Variants in TMEM272 observed in about 807,000 individuals in gnomAD.
The protein encoded by TMEM272 is long intergenic non-protein coding RNA 282.
TMEM272 carries 8 observed loss-of-function variants against 3.7 expected under a neutral mutation model. The observed-to-expected ratio is 2.17, with a 90% CI of 1.27 to 3.91. The LOEUF is 3.91. Ranked by LOEUF, TMEM272 falls within the 30% of genes most tolerant of loss-of-function variation. The pLI, the probability that TMEM272 is intolerant of heterozygous loss-of-function variation, is 0.00. For synonymous variants in TMEM272, 63 were observed against 39.8 expected (o/e 1.58, Z -2.20); for missense variants, 166 against 91.5 (o/e 1.81, Z -3.32).
At chr13:51,832,268 T>C (rs4354822) in intron 2 of TMEM272, among the ~76,000 whole-genome samples, 25,724 of 152,182 alleles carry the variant, frequency 0.17, 2,573 homozygotes, top group East Asian at 0.46. Flanking sequence ...TCAGTCAAAA[T>C]AGGTAGCTGG....
the TMEM272 span, among the ~76,000 whole-genome samples, chr13:51,898,182 C>T: frequency 6.6e-6 from 1 of 151,618 alleles, no homozygotes; most frequent in Non-Finnish European, 1.5e-5. Flanking sequence ...TGTGGCACTA[C>T]ACTCCAGTCT....
At chr13:51,900,225 G>C in the TMEM272 span, among the ~76,000 whole-genome samples, 6 of 152,166 alleles carry the variant, frequency 3.9e-5, no homozygotes, top group East Asian at 1.9e-4. Context: ...AATGGGAGAA[G>C]ATACTTGCAA....
the TMEM272 span, among the ~76,000 whole-genome samples, chr13:51,882,726 T>TA: frequency 1.3e-5 from 2 of 148,514 alleles, no homozygotes; most frequent in African/African-American, 5.0e-5. Flanking sequence ...CATTAAAAAA[T>TA]AAAAAATAAA....
chr13:51,882,866 G>T, the TMEM272 span, among the ~76,000 whole-genome samples: 23 of 152,342 alleles, frequency 1.5e-4, no homozygotes, highest in African/African-American at 5.0e-4. Flanking sequence ...GTCTGCAGCT[G>T]CCATGACCTC....
the TMEM272 span, among the ~76,000 whole-genome samples, chr13:51,914,953 T>A: frequency 1.3e-5 from 2 of 152,192 alleles, no homozygotes; most frequent in African/African-American, 4.8e-5. Context: ...GGCCTAAATC[T>A]TATACAATCT....
chr13:51,913,185 C>G, the TMEM272 span, among the ~76,000 whole-genome samples: 1 of 152,282 alleles, frequency 6.6e-6, no homozygotes, highest in South Asian at 2.1e-4. Flanking sequence ...AGCTCCTCCC[C>G]CTACTCTTAG....
At chr13:51,856,280 T>C in the TMEM272 span, among the ~76,000 whole-genome samples, 1 of 152,216 alleles carries the variant, frequency 6.6e-6, no homozygotes, top group Non-Finnish European at 1.5e-5. Flanking sequence ...ACAGTAGTGA[T>C]GTTATCTACA....
chr13:51,882,855 T>A, the TMEM272 span, among the ~76,000 whole-genome samples: 1 of 152,146 alleles, frequency 6.6e-6, no homozygotes, highest in Non-Finnish European at 1.5e-5. Context: ...CAGCCAGAAA[T>A]GTCTGCAGCT....
chr13:51,843,669 G>A (rs979662227), intron 1 of TMEM272, among the ~76,000 whole-genome samples: 8 of 152,070 alleles, frequency 5.3e-5, no homozygotes, highest in East Asian at 1.9e-4. Flanking sequence ...GTAACAGGCC[G>A]GGCAGTGCCT....
Position 51,826,595 on chromosome 13 carries a change from A to G in TMEM272, c.89T>C (p.Leu30Pro). 2.8e-6 allele frequency: 2 copies of G among 702,616 alleles called. No homozygotes were observed. Among genetic ancestry groups the G allele is most frequent in the Non-Finnish European group, 5.2e-6 (2 of 385,010 alleles). The allele number at this position is 702,616 out of a possible 1,614,324, so 43.5% of individuals were successfully genotyped here. A position where few individuals can be genotyped will look rare whatever the true frequency, so the allele number is the denominator to read the frequency against. ...ACFVVVLCAF[L>P]ALPLSMTFIG... ...GAAGGTCATGGACAGCGGCAGAGCC[A>G]GGAAAGCACAGAGCACAACAACGAA... Residue 30 changes from leucine to proline, a missense_variant, in exon 3 of 5, where the codon CTG becomes CCG. Leu to Pro is a moderately conservative substitution (Grantham distance 98, BLOSUM62 -3). Coordinates refer to ENST00000629372, the MANE Select transcript of TMEM272 (RefSeq NM_001351003.2).
At chr13:51,827,095 T>C (rs1956132449) in intron 2 of TMEM272, among the ~76,000 whole-genome samples, 1 of 152,254 alleles carries the variant, frequency 6.6e-6, no homozygotes, top group Admixed American at 6.5e-5. Context: ...CAAAATCTTC[T>C]TCCCTTTCCA....
chr13:51,864,800 G>A, the TMEM272 span, among the ~76,000 whole-genome samples: 569 of 152,212 alleles, frequency 3.7e-3, 11 homozygotes, highest in East Asian at 0.061. Context: ...CCATGTCCCT[G>A]GAAACATTCA....
At chr13:51,869,626 A>T in the TMEM272 span, among the ~76,000 whole-genome samples, 1 of 151,678 alleles carries the variant, frequency 6.6e-6, no homozygotes, top group South Asian at 2.1e-4. Context: ...AGTAGCTGGG[A>T]TTACAGGCAC....
At chr13:51,823,571 T>C (rs1005533333) in intron 3 of TMEM272, among the ~76,000 whole-genome samples, 3 of 152,242 alleles carry the variant, frequency 2.0e-5, no homozygotes, top group African/African-American at 7.2e-5. Flanking sequence ...AATAAACTCT[T>C]ACAGTGTTAA....
At chr13:51,866,045 C>G in the TMEM272 span, 1 of 1,597,562 alleles carries the variant, frequency 6.3e-7, no homozygotes, top group South Asian at 1.1e-5. Flanking sequence ...CAACAGAGGG[C>G]AGCGCTTGCT....
Position 51,814,531 on chromosome 13 carries a change from A to C in TMEM272, c.*2220T>G, listed in dbSNP as rs570231925. 1.3e-5 allele frequency: 2 copies of C among 152,326 alleles called. No individual in the cohort carries two copies. Among genetic ancestry groups the C allele is most frequent in the East Asian group, 3.9e-4 (2 of 5,180 alleles). 9.4% of individuals were successfully genotyped at this position (152,326 alleles called of 1,614,324 possible). ...GAGTGCAGTGGTGCAATCATAGCTC[A>C]CTGTAACCTCAAACCAGGGAAGATG... On this transcript the variant is annotated 3_prime_UTR_variant, in exon 5 of 5. Coordinates refer to ENST00000629372, the MANE Select transcript of TMEM272 (RefSeq NM_001351003.2).
chr13:51,858,870 T>C, the TMEM272 span, among the ~76,000 whole-genome samples: 148,283 of 152,156 alleles, frequency 0.97, 72,270 homozygotes, highest in East Asian at 1. Flanking sequence ...TGAGAACTTC[T>C]CGAGGTCCCG....
At chr13:51,912,654 C>T in the TMEM272 span, among the ~76,000 whole-genome samples, 1 of 152,196 alleles carries the variant, frequency 6.6e-6, no homozygotes, top group African/African-American at 2.4e-5. Flanking sequence ...TGCTCCACAG[C>T]TCCACATGCC....
At chr13:51,866,899 T>C in the TMEM272 span, among the ~76,000 whole-genome samples, 1 of 152,192 alleles carries the variant, frequency 6.6e-6, no homozygotes, top group African/African-American at 2.4e-5. Context: ...TTGGGGGGCT[T>C]CCTGCTTTCA....
Sources: allele counts gnomAD v4.1 joint callset (sites outside exome capture counted in the v4.1 genomes callset), GRCh38; gene constraint gnomAD v4.1.1; transcripts MANE v1.5; gene names NCBI Gene and HGNC (gene_info 2026-07-23, HGNC 2026-07-21).